TAFA2: variants seen among roughly 807,000 people sequenced by gnomAD.
TAFA2 encodes the protein TAFA chemokine like family member 2.
In TAFA2, 7 loss-of-function variants were observed where a neutral mutation model predicts 18.8. The ratio of observed to expected loss-of-function variants is 0.37; its 90% confidence interval spans 0.21 to 0.70. The LOEUF (loss-of-function observed/expected upper bound fraction) is 0.70. TAFA2 is among the 30% of genes least tolerant of loss of function. The pLI is 0.53. For synonymous variants in TAFA2, 60 were observed against 54.2 expected (o/e 1.11, Z -0.47); for missense variants, 122 against 158.1 (o/e 0.77, Z 1.23).
intron 1 of TAFA2, among the ~76,000 whole-genome samples, chr12:61,948,201 A>C (rs1304693611): frequency 6.6e-6 from 1 of 152,192 alleles, no homozygotes; most frequent in Admixed American, 6.6e-5. Flanking sequence ...AATTTCTTTC[A>C]TCATCACAAA....
At chr12:61,740,477 CT>C (rs1317490066) in intron 4 of TAFA2, among the ~76,000 whole-genome samples, 1 of 147,458 alleles carries the variant, frequency 6.8e-6, no homozygotes, top group Non-Finnish European at 1.5e-5. Context: ...AACTTAAAGT[CT>C]AAAAAAAAAA....
In TAFA2 at chr12:61,835,653, C is replaced by G. The variant is rs543612962; in HGVS notation, c.106+31667G>C. On this transcript the variant is annotated intron_variant, in intron 2 of 4. Transcript: ENST00000416284. ...CGATTGCTATTTTTGCTTCAATGAA[C>G]AATCATATTGCTATTTTTAAACTGT... Among the ~76,000 whole-genome samples, 4 of 151,986 alleles carry G rather than the reference C, an allele frequency of 2.6e-5. No individual in the cohort carries two copies. In the South Asian group the frequency reaches 8.3e-4, roughly 32 times the overall value.
At chr12:61,884,412 A>G (rs1019546906) in intron 1 of TAFA2, among the ~76,000 whole-genome samples, 10 of 152,158 alleles carry the variant, frequency 6.6e-5, no homozygotes, top group African/African-American at 2.4e-4. Context: ...AATATATTTG[A>G]CAGTAGCTCA....
chr12:62,059,127 A>ATGTGTGTG (rs1565730985), intron 1 of TAFA2, among the ~76,000 whole-genome samples: 35 of 83,220 alleles, frequency 4.2e-4, no homozygotes, highest in African/African-American at 1.6e-3. Context: ...TAATATATAT[A>ATGTGTGTG]TATGTGTGTA....
chr12:61,923,520 T>A (rs1263669221), intron 1 of TAFA2, among the ~76,000 whole-genome samples: 1 of 152,008 alleles, frequency 6.6e-6, no homozygotes, highest in Non-Finnish European at 1.5e-5. Flanking sequence ...GAAGGAAAAC[T>A]AACAAACAAA....
At chr12:62,006,565 C>T (rs1880557473) in intron 1 of TAFA2, among the ~76,000 whole-genome samples, 1 of 152,050 alleles carries the variant, frequency 6.6e-6, no homozygotes, top group African/African-American at 2.4e-5. Context: ...TTTATGTTTG[C>T]TTTACTACTA....
intron 1 of TAFA2, among the ~76,000 whole-genome samples, chr12:62,081,176 C>T (rs544934784): frequency 1.3e-5 from 2 of 152,220 alleles, no homozygotes; most frequent in African/African-American, 4.8e-5. Flanking sequence ...GCCTGGGCGA[C>T]AGAGCGAGAC....
At chr12:62,158,984 G>C (rs1036169349) in intron 1 of TAFA2, among the ~76,000 whole-genome samples, 2 of 152,180 alleles carry the variant, frequency 1.3e-5, no homozygotes, top group African/African-American at 4.8e-5. Context: ...GGAAAAAGTT[G>C]TAACTTTACA....
chr12:61,953,433 T>G (rs2121457614), intron 1 of TAFA2, among the ~76,000 whole-genome samples: 1 of 151,992 alleles, frequency 6.6e-6, no homozygotes, highest in East Asian at 1.9e-4. Flanking sequence ...GTAATTGCAG[T>G]GAAGTTATAT....
At chr12:62,063,544 G>T in intron 1 of TAFA2, among the ~76,000 whole-genome samples, 1 of 152,076 alleles carries the variant, frequency 6.6e-6, no homozygotes, top group East Asian at 1.9e-4. Context: ...CCTTAGAAAA[G>T]GCACCTTTGA....
chr12:62,208,101 C>T (rs1323658248), intron 1 of TAFA2, among the ~76,000 whole-genome samples: 1 of 152,034 alleles, frequency 6.6e-6, no homozygotes, highest in Non-Finnish European at 1.5e-5. Context: ...AAAATCTAAC[C>T]TTTTTATCTA....
chr12:61,808,805 G>A (rs768917915), intron 2 of TAFA2, among the ~76,000 whole-genome samples: 13 of 151,440 alleles, frequency 8.6e-5, no homozygotes, highest in Non-Finnish European at 1.8e-4. Context: ...CACAGTGCCT[G>A]CAGCGCATAC....
chr12:62,057,036 C>G (rs10877785), intron 1 of TAFA2, among the ~76,000 whole-genome samples: 3 of 152,052 alleles, frequency 2.0e-5, no homozygotes, highest in South Asian at 2.1e-4. Context: ...TCCCTGGAAA[C>G]CTTTTTGGTG....
At chr12:62,181,789 G>A (rs982130259) in intron 1 of TAFA2, among the ~76,000 whole-genome samples, 10 of 152,188 alleles carry the variant, frequency 6.6e-5, no homozygotes, top group African/African-American at 1.4e-4. Flanking sequence ...GGCTTAGGGT[G>A]AGAAAATCCT....
chr12:61,791,385 T>C (rs1178463053), intron 2 of TAFA2, among the ~76,000 whole-genome samples: 1 of 151,062 alleles, frequency 6.6e-6, no homozygotes, highest in East Asian at 2.0e-4. Context: ...ACCTTCAGCA[T>C]ACAAAAAAGC....
At chr12:62,023,341 G>T (rs1881207698) in intron 1 of TAFA2, among the ~76,000 whole-genome samples, 1 of 148,862 alleles carries the variant, frequency 6.7e-6, no homozygotes, top group Non-Finnish European at 1.5e-5. Context: ...AAAGGTGCAG[G>T]AAATTTTTTA....
At chr12:62,226,961 C>T (rs1356254266) in intron 1 of TAFA2, among the ~76,000 whole-genome samples, 1 of 152,154 alleles carries the variant, frequency 6.6e-6, no homozygotes. Context: ...ATCAAGGTCA[C>T]CAAAGCCTTG....
intron 1 of TAFA2, among the ~76,000 whole-genome samples, chr12:62,104,192 G>A (rs1200933482): frequency 6.6e-6 from 1 of 151,710 alleles, no homozygotes. Context: ...ATAATTAAAA[G>A]GAAAAGTGAC....
At chr12:62,017,301 C>T (rs1880970137) in intron 1 of TAFA2, among the ~76,000 whole-genome samples, 1 of 151,932 alleles carries the variant, frequency 6.6e-6, no homozygotes, top group South Asian at 2.1e-4. Flanking sequence ...AATTAAATGT[C>T]TATAAAATGG....
Sources: gnomAD v4.1 joint callset for allele counts (sites outside exome capture counted in the v4.1 genomes callset) on GRCh38, gnomAD v4.1.1 for gene constraint, MANE v1.5 for transcripts, NCBI Gene and HGNC (gene_info 2026-07-23, HGNC 2026-07-21) for gene names.